PCSK6: variants seen among roughly 807,000 people sequenced by gnomAD.
PCSK6 encodes the protein proprotein convertase subtilisin/kexin type 6.
A neutral mutation model predicts 123.3 loss-of-function variants in PCSK6; 85 were observed. The observed-to-expected ratio is 0.69, with a 90% CI of 0.58 to 0.83. The LOEUF is 0.83. PCSK6 is among the 40% of genes least tolerant of loss of function. The pLI is 0.00. For missense variants in PCSK6, 1,191 were observed against 1,282.3 expected, an observed-to-expected ratio of 0.93 and a Z score of 1.09; for synonymous variants, 508 against 516.0, an observed-to-expected ratio of 0.98 and a Z score of 0.21.
chr15:101,482,304 A>C (rs2057908688), intron 1 of PCSK6, among the ~76,000 whole-genome samples: 1 of 152,162 alleles, frequency 6.6e-6, no homozygotes, highest in Non-Finnish European at 1.5e-5. Flanking sequence ...CTTCGGAGCA[A>C]TAGTCAGGAG....
In PCSK6 at chr15:101,393,370, C is replaced by T. The variant is rs1389284247; in HGVS notation, c.1051G>A (p.Glu351Lys). 1 of 1,605,768 alleles carries T rather than the reference C, an allele frequency of 6.2e-7. No homozygotes were observed. The highest frequency in any genetic ancestry group is 8.5e-7 in the Non-Finnish European group (1 of 1,176,076). ...FVWASGNGGR[E>K]GDYCSCDGYT... ...CCATCGCACGAGCAGTAGTCCCCCT[C>T]TCTCCCGCCATTCCCAGATGCCCAG... The change falls in exon 8 of 22, where the codon GAG becomes AAG. Residue 351 changes from glutamate to lysine, a missense_variant. Physicochemically the swap from Glu to Lys is moderately conservative, Grantham distance 56 (BLOSUM62 1). Transcript: ENST00000611716.
chr15:101,437,324 G>A (rs1195784523), intron 2 of PCSK6, among the ~76,000 whole-genome samples: 1 of 152,226 alleles, frequency 6.6e-6, no homozygotes, highest in African/African-American at 2.4e-5. Context: ...CACCTCCGGC[G>A]CAGCACTGGC....
At chr15:101,445,389 G>A (rs776259085) in intron 1 of PCSK6, among the ~76,000 whole-genome samples, 7 of 152,184 alleles carry the variant, frequency 4.6e-5, no homozygotes, top group East Asian at 1.9e-4. Flanking sequence ...CGATATTTAC[G>A]TGTGAAAGAG....
intron 1 of PCSK6, among the ~76,000 whole-genome samples, chr15:101,488,756 G>A (rs1407962301): frequency 2.6e-5 from 4 of 151,434 alleles, no homozygotes; most frequent in Non-Finnish European, 3.0e-5. Context: ...CTGTCCCAAG[G>A]CCTCTCCGAC....
At chr15:101,324,817 A>T in intron 17 of PCSK6, 33 bp downstream of exon 17, 1 of 1,570,332 alleles carries the variant, frequency 6.4e-7, no homozygotes, top group South Asian at 1.1e-5. Context: ...GGGCTGGCTC[A>T]TCAGTTCTTG....
At chr15:101,428,380 A>AGCAG in intron 5 of PCSK6, among the ~76,000 whole-genome samples, 1 of 152,294 alleles carries the variant, frequency 6.6e-6, no homozygotes, top group Middle Eastern at 3.4e-3. Context: ...TGTGGCTGGC[A>AGCAG]GCAGGGACAC....
intron 17 of PCSK6, among the ~76,000 whole-genome samples, chr15:101,324,610 G>A (rs981328647): frequency 6.6e-6 from 1 of 152,236 alleles, no homozygotes; most frequent in Non-Finnish European, 1.5e-5. Context: ...GGACAGCCAG[G>A]ATGTCTCTCA....
intron 6 of PCSK6, among the ~76,000 whole-genome samples, chr15:101,419,501 A>G (rs1232633318): frequency 6.6e-6 from 1 of 151,080 alleles, no homozygotes; most frequent in Non-Finnish European, 1.5e-5. Context: ...ATTAATCTAT[A>G]ATTTCCAAGC....
At chr15:101,477,879 T>C (rs1203105434) in intron 1 of PCSK6, among the ~76,000 whole-genome samples, 2 of 152,194 alleles carry the variant, frequency 1.3e-5, no homozygotes, top group Non-Finnish European at 2.9e-5. Flanking sequence ...AGACTCTACA[T>C]CAAGAATGTT....
intron 6 of PCSK6, among the ~76,000 whole-genome samples, chr15:101,410,795 GGCAGCTGTGTGAAC>G (rs2042924292): frequency 6.6e-6 from 1 of 152,202 alleles, no homozygotes; most frequent in Admixed American, 6.5e-5. Flanking sequence ...GCTGCCTCTT[GGCAGCTGTGTGAAC>G]CCAGATGTGG....
intron 1 of PCSK6, among the ~76,000 whole-genome samples, chr15:101,467,663 C>T (rs11247295): frequency 0.55 from 82,901 of 152,092 alleles, 24,117 homozygotes; most frequent in Non-Finnish European, 0.67. Flanking sequence ...GTAGTGTTCA[C>T]AGCAGTGAAA....
chr15:101,326,620 C>G lies in PCSK6; in HGVS notation c.2078-141G>C, dbSNP rs577302523. ...GCCCCGCTGGGGCTGGACGGCCAGA[C>G]GACAAGGCGGGAGCAGCCGTCCCTG... On this transcript the variant is annotated intron_variant, in intron 15 of 21. Transcript: ENST00000611716. 4 of 756,894 alleles carry G rather than the reference C, an allele frequency of 5.3e-6. No homozygotes were observed. In the South Asian group the frequency reaches 7.0e-5, roughly 13 times the overall value. The allele number at this position is 756,894 out of a possible 1,614,324, so 46.9% of individuals were successfully genotyped here.
intron 1 of PCSK6, among the ~76,000 whole-genome samples, chr15:101,466,736 C>T (rs368068214): frequency 7.7e-5 from 7 of 91,464 alleles, no homozygotes; most frequent in East Asian, 4.7e-4. Flanking sequence ...GTCAAAGAAG[C>T]CAGATACAAA....
chr15:101,315,404 T>G (rs2039966215), intron 19 of PCSK6, among the ~76,000 whole-genome samples: 1 of 152,192 alleles, frequency 6.6e-6, no homozygotes, highest in African/African-American at 2.4e-5. Context: ...TTCCATTAAG[T>G]CGCAAGTCTC....
At chr15:101,450,270 C>T (rs1279882056) in intron 1 of PCSK6, among the ~76,000 whole-genome samples, 1 of 152,086 alleles carries the variant, frequency 6.6e-6, no homozygotes, top group African/African-American at 2.4e-5. Flanking sequence ...AATACACGAC[C>T]AGCCAGGACC....
chr15:101,409,602 G>T (rs1238692101), intron 6 of PCSK6, among the ~76,000 whole-genome samples: 1 of 120,256 alleles, frequency 8.3e-6, no homozygotes, highest in Non-Finnish European at 1.7e-5. Flanking sequence ...AAAAAAAAAT[G>T]CAGGGAAAGT....
intron 20 of PCSK6, among the ~76,000 whole-genome samples, chr15:101,311,597 T>C (rs1478219350): frequency 6.6e-6 from 1 of 152,026 alleles, no homozygotes; most frequent in Non-Finnish European, 1.5e-5. Flanking sequence ...CTCAGGTATT[T>C]CTTTTTAGCA....
intron 13 of PCSK6, among the ~76,000 whole-genome samples, chr15:101,349,796 G>GC (rs367626611): frequency 1.4e-3 from 215 of 152,288 alleles, no homozygotes; most frequent in African/African-American, 5.0e-3. Context: ...TCACTCTGTG[G>GC]CCCCGAGTGC....
intron 15 of PCSK6, 67 bp downstream of exon 15, chr15:101,331,584 G>A: frequency 6.9e-7 from 1 of 1,459,062 alleles, no homozygotes. Context: ...ATTCTGGTTG[G>A]GCATATAGAC....
Sources: allele counts gnomAD v4.1 joint callset (sites outside exome capture counted in the v4.1 genomes callset), GRCh38; gene constraint gnomAD v4.1.1; transcripts MANE v1.5; gene names NCBI Gene and HGNC (gene_info 2026-07-23, HGNC 2026-07-21).